The following REXO1 variants were observed in gnomAD, a reference collection of about 807,000 sequenced individuals.
REXO1 encodes the protein RNA exonuclease 1 homolog, also known as REX1, RNA exonuclease 1 homolog.
In REXO1, 42 loss-of-function variants were observed where a neutral mutation model predicts 102.6. That is an observed-to-expected ratio of 0.41 (90% confidence interval 0.32 to 0.53). REXO1 has a LOEUF of 0.53. Among genes scored for constraint, REXO1 ranks in the 20% least tolerant of loss-of-function variants. The pLI is 0.27. For synonymous variants in REXO1, 908 were observed against 779.1 expected (o/e 1.17, Z -2.76); for missense variants, 1,819 against 1,732.5 (o/e 1.05, Z -0.89).
rs547104543 is a variant in REXO1 at position 1,819,483 on chromosome 19, C to T, written c.2651-352G>A. 1.5e-3 allele frequency among the ~76,000 whole-genome samples: 221 copies of T among 152,274 alleles called. 1 individual carries two copies. Among genetic ancestry groups the T allele is most frequent in the Middle Eastern group, 3.4e-3 (1 of 294 alleles). ...GAGCCTTCATGGGCCACCCAGCCTGCGACGCCAACCCAGGGCCCCTCCGAG... is the reference window on the plus strand; with the variant it reads ...GAGCCTTCATGGGCCACCCAGCCTGTGACGCCAACCCAGGGCCCCTCCGAG... On this transcript the variant is annotated intron_variant, in intron 7 of 15. Transcript: ENST00000170168.
intron 1 of REXO1, among the ~76,000 whole-genome samples, chr19:1,841,393 C>T (rs971442702): frequency 6.6e-6 from 1 of 152,090 alleles, no homozygotes; most frequent in African/African-American, 2.4e-5. Flanking sequence ...GGGAGGAGGG[C>T]GGAGGAGGAC....
rs142515155 is a variant in REXO1, at chr19:1,819,035, C to T, written c.2747G>A (p.Arg916Gln). 1,163 of 1,601,416 alleles carry T rather than the reference C, an allele frequency of 7.3e-4. No individual in the cohort carries two copies. Among genetic ancestry groups the T allele is most frequent in the Non-Finnish European group, 9.1e-4 (1,064 of 1,173,330 alleles). ...SFSLSRPSSP[R>Q]VEDLKGAALY... ...GGCCTTACCTTTCAGGTCCTCCACCCGGGGGCTGCTTGGACGGCTGAGCGA... is the reference window on the plus strand; with the variant it reads ...GGCCTTACCTTTCAGGTCCTCCACCTGGGGGCTGCTTGGACGGCTGAGCGA... The change falls in exon 8 of 16, where the codon CGG becomes CAG. Residue 916 changes from arginine to glutamine, a missense_variant. By Grantham distance (43) the Arg-to-Gln change is conservative. Coordinates refer to ENST00000170168, the MANE Select transcript of REXO1 (RefSeq NM_020695.4).
rs747107364 is a variant in REXO1, at chr19:1,827,425, G to A, written c.1364C>T (p.Ala455Val). 46 of 1,550,132 alleles carry A rather than the reference G, an allele frequency of 3.0e-5. 1 individual carries two copies. Among genetic ancestry groups the A allele is most frequent in the Middle Eastern group, 1.8e-4 (1 of 5,408 alleles). Residue 455 changes from alanine (A) to valine (V), a missense_variant, in exon 2 of 16, where the codon GCG (alanine) becomes GTG (valine). Physicochemically the swap from Ala to Val is moderately conservative, Grantham distance 64. Coordinates refer to ENST00000170168, the MANE Select transcript of REXO1 (RefSeq NM_020695.4). Reference sequence around the variant, plus strand: ...CCCGCTTGTGGGGCTCGGCCGCCGCGCTGGCCGGTCAGGCCTCCCTTTCCC... The same window carrying A: ...CCCGCTTGTGGGGCTCGGCCGCCGCACTGGCCGGTCAGGCCTCCCTTTCCC... ...TSGKGRPDRP[A>V]RRPSPTSGDS...
chr19:1,818,409 T>C (rs1600514498), intron 10 of REXO1, 73 bp downstream of exon 10: 10 of 1,159,030 alleles, frequency 8.6e-6, no homozygotes, highest in Non-Finnish European at 1.3e-5. Context: ...ACCCCAGTTC[T>C]GGGGGCCTCA....
In REXO1 at chr19:1,827,045, AGGATGGGGCGGGGGAGGG is replaced by A; in HGVS notation, c.1726_1743del (p.Pro576_Ser581del). The A allele has an allele frequency of 1.3e-6, 1 of 784,320 alleles. No individual in the cohort carries two copies. 48.6% of individuals were successfully genotyped at this position (784,320 alleles called of 1,614,324 possible). A position where few individuals can be genotyped will look rare whatever the true frequency, so the allele number is the denominator to read the frequency against. ...GTGGAGGAGGAGGAGGAGGAGGAGG[AGGATGGGGCGGGGGAGGG>A]GGGCGGGGAGGCCTTGAGCCGCTTG... On this transcript the variant is annotated inframe_deletion, in exon 2 of 16. Transcript: ENST00000170168.
At chr19:1,845,484 T>G (rs564833511) in intron 1 of REXO1, among the ~76,000 whole-genome samples, 1 of 152,078 alleles carries the variant, frequency 6.6e-6, no homozygotes, top group Non-Finnish European at 1.5e-5. Flanking sequence ...GGCAACAAAG[T>G]GAGACCCCGT....
At position 1,816,724 on chromosome 19, in the gene REXO1, G is replaced by A; in HGVS notation, c.3291C>T (p.Asp1097=). ...TGGTGTTGTAGTCCACGATCTCGTT[G>A]TCAGGCTTCACGAAGGTGTCATAAA... ...HVVYDTFVKP[D]NEIVDYNTRF... Residue 1097 remains aspartate (D), a synonymous_variant, in exon 13 of 16, where the codon GAC becomes GAT. Coordinates refer to ENST00000170168, the MANE Select transcript of REXO1 (RefSeq NM_020695.4). 6.2e-7 allele frequency: 1 copy of A among 1,612,928 alleles called. No individual in the cohort carries two copies. The highest frequency in any genetic ancestry group is 1.1e-5 in the South Asian group (1 of 91,056).
In REXO1 at chr19:1,826,553, C is replaced by T. The variant is rs1170361564; in HGVS notation, c.1911+325G>A. On this transcript the variant is annotated intron_variant, in intron 2 of 15. Coordinates refer to ENST00000170168, the MANE Select transcript of REXO1 (RefSeq NM_020695.4). The surrounding 1 kb of genome is among the most constrained non-coding windows in gnomAD (Gnocchi z 4.3). ...GGGGAGAGGGGCTAGAAGGGTGTGC[C>T]GGAGGTGGATTCCCCTGAGGTGGGT... is the stretch of plus-strand genomic sequence containing the variant. Among the ~76,000 whole-genome samples, 39 of 143,114 alleles carry T rather than the reference C, an allele frequency of 2.7e-4. No homozygotes were observed. Among genetic ancestry groups the T allele is most frequent in the Admixed American group, 2.4e-3 (34 of 13,948 alleles). 93.9% of individuals were successfully genotyped at this position (143,114 alleles called of 152,430 possible).
At position 1,815,634 on chromosome 19, in the gene REXO1, A is replaced by C; in HGVS notation, c.*432T>G. ...GATGCTGTGCAAGTCATCAGGTTTA[A>C]ATTAAAAATAATAAAAATAACAATA... On this transcript the variant is annotated 3_prime_UTR_variant, in exon 16 of 16. Coordinates refer to ENST00000170168, the MANE Select transcript of REXO1 (RefSeq NM_020695.4). This position sits in a 1 kb window ranked among gnomAD's most constrained non-coding sequence, Gnocchi z 4.0. 1 of 1,137,744 alleles carries C rather than the reference A, an allele frequency of 8.8e-7. No homozygotes were observed. Among genetic ancestry groups the C allele is most frequent in the Non-Finnish European group, 1.1e-6 (1 of 902,058 alleles). The allele number at this position is 1,137,744 out of a possible 1,614,324, so 70.5% of individuals were successfully genotyped here. A position where few individuals can be genotyped will look rare whatever the true frequency, so the allele number is the denominator to read the frequency against.
intron 5 of REXO1, among the ~76,000 whole-genome samples, chr19:1,820,633 C>G (rs2069506217): frequency 6.6e-6 from 1 of 152,216 alleles, no homozygotes; most frequent in Non-Finnish European, 1.5e-5. Flanking sequence ...AGGGAACTTG[C>G]TGTACTTTCT....
rs1021888453 is a variant in REXO1, at chr19:1,815,324, G to A, written c.*742C>T. 1 of 155,458 alleles carries A rather than the reference G, an allele frequency of 6.4e-6. No individual in the cohort carries two copies. Among genetic ancestry groups the A allele is most frequent in the African/African-American group, 2.4e-5 (1 of 41,474 alleles). 9.6% of individuals were successfully genotyped at this position (155,458 alleles called of 1,614,324 possible). Reference sequence around the variant, plus strand: ...GGGGTCCGGAGAGCCCCGCAGAGGAGGACGGGGCTCTAGCGGGAAGACAGT... The same window carrying A: ...GGGGTCCGGAGAGCCCCGCAGAGGAAGACGGGGCTCTAGCGGGAAGACAGT... On this transcript the variant is annotated 3_prime_UTR_variant, in exon 16 of 16. Transcript: ENST00000170168. The surrounding 1 kb of genome is among the most constrained non-coding windows in gnomAD (Gnocchi z 4.0).
chr19:1,824,761 G>A (rs774527513), intron 3 of REXO1, among the ~76,000 whole-genome samples: 1 of 148,926 alleles, frequency 6.7e-6, no homozygotes, highest in Admixed American at 6.8e-5. Context: ...AAAGAAATCA[G>A]AAGTTTATGA....
intron 4 of REXO1, 103 bp downstream of exon 4, chr19:1,823,465 TGAGC>T: frequency 2.5e-6 from 2 of 798,380 alleles, no homozygotes; most frequent in Non-Finnish European, 3.4e-6. Context: ...AGTCATCCCA[TGAGC>T]AAGCACCATG....
chr19:1,832,239 G>A (rs988341832), intron 1 of REXO1, among the ~76,000 whole-genome samples: 5 of 152,264 alleles, frequency 3.3e-5, no homozygotes, highest in African/African-American at 1.2e-4. Flanking sequence ...GACTCTCCCC[G>A]GAAGCCTTCG....
Position 1,827,692 on chromosome 19 carries a change from T to C in REXO1, c.1097A>G (p.Gln366Arg). ...PASPAQVQSS[Q>R]DGGCPKEGKP... ...TCCCTCCTTGGGGCAGCCCCCATCC[T>C]GTGAGGACTGGACCTGGGCTGGGGA... The change falls in exon 2 of 16, where the codon CAG becomes CGG. Residue 366 changes from glutamine (Q) to arginine (R), a missense_variant. By Grantham distance (43) the Gln-to-Arg change is conservative. Transcript: ENST00000170168. 2 of 1,567,600 alleles carry C rather than the reference T, an allele frequency of 1.3e-6. No individual in the cohort carries two copies. The highest frequency in any genetic ancestry group is 1.7e-6 in the Non-Finnish European group (2 of 1,170,624).
In REXO1 at chr19:1,825,943, G is replaced by T; in HGVS notation, c.1912C>A (p.Pro638Thr). The change falls in exon 3 of 16, where the codon CCC (proline) becomes ACC (threonine). Residue 638 changes from proline (P) to threonine (T), a missense_variant and splice_region_variant. Physicochemically the swap from Pro to Thr is conservative, Grantham distance 38. Transcript: ENST00000170168. ...TCCTCACTCTTCTCTTCCTTGGGGG[G>T]CTAAGACACATGTCCGTCCGTCAGC... ...TEDRGRLARQ[P>T]PKEEKSEEKG... 2 of 1,607,176 alleles carry T rather than the reference G, an allele frequency of 1.2e-6. No homozygotes were observed. Among genetic ancestry groups the T allele is most frequent in the Non-Finnish European group, 1.7e-6 (2 of 1,174,130 alleles).
In REXO1 at chr19:1,816,728, G is replaced by C; in HGVS notation, c.3287C>G (p.Pro1096Arg). 2 of 1,612,972 alleles carry C rather than the reference G, an allele frequency of 1.2e-6. No homozygotes were observed. Among genetic ancestry groups the C allele is most frequent in the Non-Finnish European group, 1.7e-6 (2 of 1,179,912 alleles). The change falls in exon 13 of 16, where the codon CCT becomes CGT. Residue 1096 changes from proline to arginine, a missense_variant. By Grantham distance (103) the Pro-to-Arg change is moderately radical. Coordinates refer to ENST00000170168, the MANE Select transcript of REXO1 (RefSeq NM_020695.4). ...GTTGTAGTCCACGATCTCGTTGTCA[G>C]GCTTCACGAAGGTGTCATAAACCAC... ...VHVVYDTFVK[P>R]DNEIVDYNTR...
chr19:1,832,914 C>CAAAA (rs71174388), intron 1 of REXO1, among the ~76,000 whole-genome samples: 1 of 75,892 alleles, frequency 1.3e-5, no homozygotes, highest in African/African-American at 5.0e-5. Flanking sequence ...GACTCTGTCT[C>CAAAA]AAAAAAAAAA....
chr19:1,817,499 A>G, intron 11 of REXO1, 170 bp from the exon 12 acceptor site: 3 of 1,467,854 alleles, frequency 2.0e-6, no homozygotes, highest in Non-Finnish European at 2.7e-6. Context: ...AAGAAGACAC[A>G]GGGAGGACGG....
Sources: allele counts gnomAD v4.1 joint callset (sites outside exome capture counted in the v4.1 genomes callset), GRCh38; gene constraint gnomAD v4.1.1; non-coding constraint Gnocchi (gnomAD v3.1); transcripts MANE v1.5; gene names NCBI Gene and HGNC (gene_info 2026-07-23, HGNC 2026-07-21).